Variants in MYB observed in about 807,000 individuals in gnomAD.
The protein encoded by MYB is transcriptional activator Myb.
Under a neutral mutation model 92.9 loss-of-function variants are expected in MYB, and 28 were observed. That is an observed-to-expected ratio of 0.30 (90% CI 0.22 to 0.41). MYB has a LOEUF of 0.41. Among genes scored for constraint, MYB ranks in the 10% least tolerant of loss-of-function variants. The pLI, the probability that MYB is intolerant of heterozygous loss-of-function variation, is 1.00. For missense variants in MYB, 679 were observed against 929.3 expected, an observed-to-expected ratio of 0.73 and a Z score of 3.50; for synonymous variants, 295 against 329.1, an observed-to-expected ratio of 0.90 and a Z score of 1.12.
intron 15 of MYB, among the ~76,000 whole-genome samples, chr6:135,211,162 A>C (rs1263263123): frequency 6.7e-6 from 1 of 149,266 alleles, no homozygotes; most frequent in Non-Finnish European, 1.5e-5. Context: ...TGCACACGAC[A>C]GAGATCTTTC....
rs1775228676 is a variant in MYB at position 135,182,569 on chromosome 6, G to A, written c.23+1033G>A. 6.6e-6 allele frequency among the ~76,000 whole-genome samples: 1 copy of A among 151,784 alleles called. No homozygotes were observed. On this transcript the variant is annotated intron_variant, in intron 1 of 15. Coordinates refer to ENST00000341911, the MANE Select transcript of MYB (RefSeq NM_001130173.2). This position sits in a 1 kb window ranked among gnomAD's most constrained non-coding sequence, Gnocchi z 5.6. ...TGCGCGGCGCGCACACGTGGATGCG[G>A]CTGAGGTCGCCGCGCCTTCTCGCAC...
intron 10 of MYB, among the ~76,000 whole-genome samples, chr6:135,197,871 G>T (rs901355903): frequency 1.3e-5 from 2 of 152,156 alleles, no homozygotes; most frequent in African/African-American, 4.8e-5. Flanking sequence ...TTTAATTTCA[G>T]TTTCTCAACA....
chr6:135,212,224 C>CTTTTTTTTATT (rs1779811895), intron 15 of MYB, among the ~76,000 whole-genome samples: 1 of 32,882 alleles, frequency 3.0e-5, no homozygotes. Flanking sequence ...TTTGGTTTTA[C>CTTTTTTTTATT]TTTTTTTTTT....
chr6:135,217,951 G>T lies in MYB; in HGVS notation c.2257G>T (p.Ala753Ser), dbSNP rs1780686466. The change falls in exon 16 of 16, where the codon GCA (alanine) becomes TCA (serine). Residue 753 changes from alanine (A) to serine (S), a missense_variant. By Grantham distance (99) the Ala-to-Ser change is moderately conservative. Coordinates refer to ENST00000341911, the MANE Select transcript of MYB (RefSeq NM_001130173.2). ...CAGTCAAGCTCGTAAATACGTGAAT[G>T]CATTCTCAGCCCGGACGCTGGTCAT... ...SSSQARKYVN[A>S]FSARTLVM 1 of 1,611,936 alleles carries T rather than the reference G, an allele frequency of 6.2e-7. No individual in the cohort carries two copies. The highest frequency in any genetic ancestry group is 8.5e-7 in the Non-Finnish European group (1 of 1,178,116).
intron 2 of MYB, 73 bp from the exon 3 acceptor site, chr6:135,187,761 C>T: frequency 1.0e-6 from 1 of 964,532 alleles, no homozygotes; most frequent in South Asian, 1.7e-5. Context: ...GATTCGTTCC[C>T]TCATTCACTT....
chr6:135,182,897 G>A lies in MYB; in HGVS notation c.23+1361G>A, dbSNP rs897000120. 6.6e-6 allele frequency among the ~76,000 whole-genome samples: 1 copy of A among 152,108 alleles called. No homozygotes were observed. ...CGAGAGGGCGACTTGGGGGAGCTCC[G>A]GGCTCCCTATGCCTACTCCGGAGCC... On this transcript the variant is annotated intron_variant, in intron 1 of 15. Transcript: ENST00000341911. This position sits in a 1 kb window ranked among gnomAD's most constrained non-coding sequence, Gnocchi z 5.6.
Position 135,190,169 on chromosome 6 carries a change from G to T in MYB, c.349G>T (p.Val117Phe), listed in dbSNP as rs1562368330. 1 of 1,614,206 alleles carries T rather than the reference G, an allele frequency of 6.2e-7. No homozygotes were observed. The change falls in exon 5 of 16, where the codon GTT (valine) becomes TTT (phenylalanine). Residue 117 changes from valine (V) to phenylalanine (F), a missense_variant. Physicochemically the swap from Val to Phe is conservative, Grantham distance 50. Transcript: ENST00000341911. This position sits in a 1 kb window ranked among gnomAD's most constrained non-coding sequence, Gnocchi z 4.5. The part of the protein sequence containing the change: ...VQKYGPKRWS[V>F]IAKHLKGRIG... ...GAAATACGGTCCGAAACGTTGGTCT[G>T]TTATTGCCAAGCACTTAAAGGGGAG... is the stretch of plus-strand genomic sequence containing the variant.
intron 1 of MYB, among the ~76,000 whole-genome samples, chr6:135,183,585 A>C (rs943106058): frequency 2.6e-5 from 4 of 152,188 alleles, no homozygotes; most frequent in Non-Finnish European, 4.4e-5. Flanking sequence ...CAGGTTCCTT[A>C]GTAGAAATTA....
At chr6:135,197,447 C>A in intron 10 of MYB, 124 bp downstream of exon 10, 1 of 958,020 alleles carries the variant, frequency 1.0e-6, no homozygotes, top group Non-Finnish European at 1.6e-6. Flanking sequence ...TTCATTCTGT[C>A]GTTGAATCTA....
At chr6:135,195,361 CT>C in intron 8 of MYB, 1 of 236,770 alleles carries the variant, frequency 4.2e-6, no homozygotes, top group Non-Finnish European at 8.4e-6. Context: ...AGTCCTCTAG[CT>C]TTTTTGTGGT....
At position 135,201,705 on chromosome 6, in the gene MYB, A is replaced by G; in HGVS notation, c.2017A>G (p.Asn673Asp). ...ACACCACTGGGAAGGGGACAGTCTG[A>G]ATACCCAACTGTTCACGCAGACCTC... ...CSHHWEGDSL[N>D]TQLFTQTSPV... The change falls in exon 14 of 16, where the codon AAT (asparagine) becomes GAT (aspartate). Residue 673 changes from asparagine (N) to aspartate (D), a missense_variant. By Grantham distance (23) the Asn-to-Asp change is conservative. Coordinates refer to ENST00000341911, the MANE Select transcript of MYB (RefSeq NM_001130173.2). 6.3e-7 allele frequency: 1 copy of G among 1,576,440 alleles called. No homozygotes were observed. Among genetic ancestry groups the G allele is most frequent in the South Asian group, 1.1e-5 (1 of 87,278 alleles).
Position 135,181,484 on chromosome 6 carries a change from C to A in MYB, c.-30C>A. 8.9e-7 allele frequency: 1 copy of A among 1,119,256 alleles called. No homozygotes were observed. 69.3% of individuals were successfully genotyped at this position (1,119,256 alleles called of 1,614,324 possible). Reference sequence around the variant, plus strand: ...CGGCAGCCCGGTGCGGTCCCCGCGGCTCTCGGCGGAGCCCCGCGCCCGCCG... The same window carrying A: ...CGGCAGCCCGGTGCGGTCCCCGCGGATCTCGGCGGAGCCCCGCGCCCGCCG... On this transcript the variant is annotated 5_prime_UTR_variant, in exon 1 of 16. Transcript: ENST00000341911. This position sits in a 1 kb window ranked among gnomAD's most constrained non-coding sequence, Gnocchi z 5.3.
rs1413433453 is a variant in MYB at position 135,190,461 on chromosome 6, T to G, written c.527+114T>G. 1.2e-6 allele frequency: 1 copy of G among 821,864 alleles called. No homozygotes were observed. Among genetic ancestry groups the G allele is most frequent in the East Asian group, 2.7e-5 (1 of 37,554 alleles). 50.9% of individuals were successfully genotyped at this position (821,864 alleles called of 1,614,324 possible). On this transcript the variant is annotated intron_variant, in intron 5 of 15. Transcript: ENST00000341911. This position sits in a 1 kb window ranked among gnomAD's most constrained non-coding sequence, Gnocchi z 4.5. Reference sequence around the variant, plus strand: ...TATTTCATCAGTCGTAAGTGTTTTATTAGATAAACCAGCTACATAGCTTTT... The same window carrying G: ...TATTTCATCAGTCGTAAGTGTTTTAGTAGATAAACCAGCTACATAGCTTTT...
chr6:135,189,647 A>ATTACTTAC, intron 3 of MYB, 144 bp from the exon 4 acceptor site: 1 of 625,348 alleles, frequency 1.6e-6, no homozygotes, highest in South Asian at 2.1e-5. Context: ...GTAAGTAATG[A>ATTACTTAC]GGGATAGATG....
intron 15 of MYB, among the ~76,000 whole-genome samples, chr6:135,205,678 CA>C (rs1489372816): frequency 6.6e-6 from 1 of 152,170 alleles, no homozygotes; most frequent in Non-Finnish European, 1.5e-5. Context: ...TCAATTCTAT[CA>C]AACTGAATAA....
At chr6:135,212,578 C>T (rs1779896330) in intron 15 of MYB, among the ~76,000 whole-genome samples, 1 of 152,078 alleles carries the variant, frequency 6.6e-6, no homozygotes, top group African/African-American at 2.4e-5. Flanking sequence ...TTCACTTCTG[C>T]CCAGGGGCAA....
At chr6:135,203,469 A>G (rs1778428114) in intron 15 of MYB, 145 bp downstream of exon 15, 3 of 701,640 alleles carry the variant, frequency 4.3e-6, no homozygotes, top group Admixed American at 2.9e-5. Context: ...TAATGCTTTT[A>G]TACAATTCTT....
chr6:135,196,885 A>ATC, intron 9 of MYB, 76 bp from the exon 10 acceptor site: 4 of 1,585,274 alleles, frequency 2.5e-6, no homozygotes, highest in Middle Eastern at 3.4e-4. Context: ...TGCGTTGAGC[A>ATC]TCTCTCTCTC....
Position 135,191,622 on chromosome 6 carries a change from T to C in MYB, c.528-702T>C, listed in dbSNP as rs566080906. 5.3e-5 allele frequency among the ~76,000 whole-genome samples: 8 copies of C among 152,230 alleles called. No homozygotes were observed. The East Asian group carries it at 5.8e-4, about 11-fold the overall frequency. The stretch of plus-strand genomic sequence containing the variant: ...TTTAGCATACATTCCCCCACCCCCA[T>C]TGAAATAGAAAAAGGGAGACTTAAA... On this transcript the variant is annotated intron_variant, in intron 5 of 15. Coordinates refer to ENST00000341911, the MANE Select transcript of MYB (RefSeq NM_001130173.2).
Sources: allele counts gnomAD v4.1 joint callset (sites outside exome capture counted in the v4.1 genomes callset), GRCh38; gene constraint gnomAD v4.1.1; non-coding constraint Gnocchi (gnomAD v3.1); transcripts MANE v1.5; gene names NCBI Gene and HGNC (gene_info 2026-07-23, HGNC 2026-07-21).